ZNF880: variants seen among roughly 807,000 people sequenced by gnomAD.
ZNF880 encodes the protein zinc finger protein LOC400713.
In ZNF880, 12 loss-of-function variants were observed where a neutral mutation model predicts 11.8. The observed-to-expected ratio is 1.02, with a 90% confidence interval of 0.65 to 1.65. The LOEUF (loss-of-function observed/expected upper bound fraction) is 1.65. Ranked by LOEUF, ZNF880 falls within the 40% of genes most tolerant of loss-of-function variation. ZNF880 has a pLI of 0.00. For synonymous variants in ZNF880, 210 were observed against 232.4 expected (o/e 0.90, Z 0.88); for missense variants, 601 against 673.9 (o/e 0.89, Z 1.20).
the ZNF880 span, chr19:52,395,409 G>C: frequency 6.6e-6 from 1 of 152,152 alleles, no homozygotes; most frequent in Non-Finnish European, 1.5e-5. Flanking sequence ...CCATGATACT[G>C]CTTTCCATAC....
chr19:52,383,871 C>A lies in ZNF880; in HGVS notation c.291C>A (p.Ser97Arg). Residue 97 changes from serine to arginine, a missense_variant, in exon 4 of 4, where the codon AGC becomes AGA. Coordinates refer to ENST00000422689, the MANE Select transcript of ZNF880 (RefSeq NM_001145434.2). The part of the protein sequence containing the change: ...VNAESSSKLG[S>R]NAGNKSLKNQ... Reference sequence around the variant, plus strand: ...TAGAGAGCAGCTCTAAATTGGGAAGCAATGCCGGAAACAAGTCTCTTAAAA... The same window carrying A: ...TAGAGAGCAGCTCTAAATTGGGAAGAAATGCCGGAAACAAGTCTCTTAAAA... 2 of 1,543,314 alleles carry A rather than the reference C, an allele frequency of 1.3e-6. No individual in the cohort carries two copies. Among genetic ancestry groups the A allele is most frequent in the Non-Finnish European group, 1.7e-6 (2 of 1,146,824 alleles).
Position 52,384,263 on chromosome 19 carries a change from TACA to T in ZNF880, c.687_689del (p.Gln229del), listed in dbSNP as rs772513853. 4.3e-5 allele frequency: 69 copies of T among 1,613,332 alleles called. 1 individual carries two copies. In the African/African-American group the frequency reaches 6.5e-4, roughly 15 times the overall value. On this transcript the variant is annotated inframe_deletion, in exon 4 of 4. Coordinates refer to ENST00000422689, the MANE Select transcript of ZNF880 (RefSeq NM_001145434.2). Reference sequence around the variant, plus strand: ...GTCTTCAGTAACAGTTCAAACCTTGTACAACATCAAAGAATTCATACTGGAGAG... The same window carrying T: ...GTCTTCAGTAACAGTTCAAACCTTGTACATCAAAGAATTCATACTGGAGAG...
chr19:52,384,759 T>C lies in ZNF880; in HGVS notation c.1179T>C (p.Phe393=), dbSNP rs751047058. The change falls in exon 4 of 4, where the codon TTT becomes TTC. Residue 393 remains phenylalanine (F), a synonymous_variant. Transcript: ENST00000422689. ...KECGKVFRHK[F]CLTNHHRMHT... ...GTGGCAAGGTCTTCAGGCACAAGTT[T>C]TGTCTAACCAATCATCATAGAATGC... The C allele has an allele frequency of 2.7e-5, 28 of 1,021,018 alleles. No homozygotes were observed. The East Asian group carries it at 8.9e-4, about 33-fold the overall frequency. 63.2% of individuals were successfully genotyped at this position (1,021,018 alleles called of 1,614,324 possible). A position where few individuals can be genotyped will look rare whatever the true frequency, so the allele number is the denominator to read the frequency against.
intron 3 of ZNF880, among the ~76,000 whole-genome samples, chr19:52,377,990 T>G (rs886164371): frequency 6.6e-6 from 1 of 152,144 alleles, no homozygotes; most frequent in African/African-American, 2.4e-5. Flanking sequence ...CTTCATCACA[T>G]AGGTGTGATT....
upstream of ZNF880, among the ~76,000 whole-genome samples, chr19:52,368,096 C>T (rs1298798977): frequency 6.6e-6 from 1 of 151,404 alleles, no homozygotes; most frequent in Non-Finnish European, 1.5e-5. Context: ...ATCCCAGCTA[C>T]TTGGGAGGCT....
At chr19:52,381,599 A>G (rs1239915605) in intron 3 of ZNF880, among the ~76,000 whole-genome samples, 1 of 152,130 alleles carries the variant, frequency 6.6e-6, no homozygotes, top group Admixed American at 6.6e-5. Context: ...TATTAAAAAC[A>G]AAAGAATACA....
downstream of ZNF880, among the ~76,000 whole-genome samples, chr19:52,386,019 C>CA (rs1260593657): frequency 2.8e-5 from 4 of 141,804 alleles, 1 homozygote; most frequent in African/African-American, 1.1e-4. Context: ...ACTAAAAATA[C>CA]AAAAAATTAG....
At chr19:52,387,747 C>T (rs7252251), downstream of ZNF880, among the ~76,000 whole-genome samples, 48,204 of 141,668 alleles carry the variant, frequency 0.34, 12,386 homozygotes, top group South Asian at 0.5. Flanking sequence ...CTGTGCCTGG[C>T]GACAAATACT....
chr19:52,368,973 C>CA (rs3029482), upstream of ZNF880, among the ~76,000 whole-genome samples: 511 of 71,844 alleles, frequency 7.1e-3, 23 homozygotes, highest in African/African-American at 0.024. Flanking sequence ...GAGACCATCT[C>CA]AAAAAAAAAA....
rs1416687749 is a variant in ZNF880, at chr19:52,384,259, C to A, written c.679C>A (p.Leu227Ile). Residue 227 changes from leucine (L) to isoleucine (I), a missense_variant, in exon 4 of 4, where the codon CTT (leucine) becomes ATT (isoleucine). This residue lies in a region of ZNF880 where 420 missense variants were observed against 442.6 expected (regional missense o/e 0.95). Coordinates refer to ENST00000422689, the MANE Select transcript of ZNF880 (RefSeq NM_001145434.2). ...CDKVFSNSSN[L>I]VQHQRIHTGE... ...CAAGGTCTTCAGTAACAGTTCAAAC[C>A]TTGTACAACATCAAAGAATTCATAC... is the stretch of plus-strand genomic sequence containing the variant. 8 of 1,613,436 alleles carry A rather than the reference C, an allele frequency of 5.0e-6. No homozygotes were observed. Among genetic ancestry groups the A allele is most frequent in the East Asian group, 2.2e-5 (1 of 44,866 alleles).
At chr19:52,367,440 T>C (rs1305235159), upstream of ZNF880, 2 of 152,218 alleles carry the variant, frequency 1.3e-5, no homozygotes, top group Non-Finnish European at 2.9e-5. Flanking sequence ...TAAATTTTTC[T>C]TAGTGTGAAT....
chr19:52,384,234 CA>C lies in ZNF880; in HGVS notation c.656del (p.Lys219ArgfsTer126). The C allele has an allele frequency of 6.2e-7, 1 of 1,612,720 alleles. No individual in the cohort carries two copies. Among genetic ancestry groups the C allele is most frequent in the Non-Finnish European group, 8.5e-7 (1 of 1,179,156 alleles). Reference sequence around the variant, plus strand: ...ACCCTTACAAATGTAATGAATGTGACAAGGTCTTCAGTAACAGTTCAAACCT... The same window carrying C: ...ACCCTTACAAATGTAATGAATGTGACAGGTCTTCAGTAACAGTTCAAACCT... ...DNPYKCNECD[K>X]VFSNSSNLVQ... On this transcript the variant is annotated frameshift_variant, in exon 4 of 4. Transcript: ENST00000422689. LOFTEE classifies it low-confidence loss of function (END_TRUNC).
chr19:52,392,971 G>A, the ZNF880 span, among the ~76,000 whole-genome samples: 1 of 151,954 alleles, frequency 6.6e-6, no homozygotes, highest in East Asian at 1.9e-4. Flanking sequence ...ACAGGTGTGA[G>A]CCACTGCACC....
Position 52,385,632 on chromosome 19 carries a change from C to A in ZNF880, c.*318C>A. 1 of 217,432 alleles carries A rather than the reference C, an allele frequency of 4.6e-6. No homozygotes were observed. The highest frequency in any genetic ancestry group is 7.5e-5 in the South Asian group (1 of 13,248). The allele number at this position is 217,432 out of a possible 1,614,324, so 13.5% of individuals were successfully genotyped here. A position where few individuals can be genotyped will look rare whatever the true frequency, so the allele number is the denominator to read the frequency against. On this transcript the variant is annotated 3_prime_UTR_variant, in exon 4 of 4. Transcript: ENST00000422689. The stretch of plus-strand genomic sequence containing the variant: ...AGATTTACACAAGCGATAATTCAGT[C>A]TCTAGTTCTCCAATATTTATGATAC...
At chr19:52,374,505 C>A in intron 3 of ZNF880, 78 bp downstream of exon 3, 1 of 1,522,624 alleles carries the variant, frequency 6.6e-7, no homozygotes, top group Non-Finnish European at 8.9e-7. Context: ...GTCACCCAGG[C>A]TGTCGTAGAG....
rs1175222203 is a variant in ZNF880 at position 52,385,569 on chromosome 19, A to G, written c.*255A>G. Reference sequence around the variant, plus strand: ...CCATACAGATGGATTATGTATGCTGAGGCTATTATTCAAGGACCATTACTA... The same window carrying G: ...CCATACAGATGGATTATGTATGCTGGGGCTATTATTCAAGGACCATTACTA... On this transcript the variant is annotated 3_prime_UTR_variant, in exon 4 of 4. Coordinates refer to ENST00000422689, the MANE Select transcript of ZNF880 (RefSeq NM_001145434.2). 1.4e-5 allele frequency: 6 copies of G among 431,604 alleles called. No homozygotes were observed. Among genetic ancestry groups the G allele is most frequent in the East Asian group, 3.9e-5 (1 of 25,608 alleles). The allele number at this position is 431,604 out of a possible 1,614,324, so 26.7% of individuals were successfully genotyped here.
intron 1 of ZNF880, among the ~76,000 whole-genome samples, chr19:52,372,144 G>A (rs1322046955): frequency 6.6e-6 from 1 of 151,622 alleles, no homozygotes; most frequent in East Asian, 2.0e-4. Flanking sequence ...AGCCAAGATT[G>A]TGCCACTGCA....
At chr19:52,380,474 A>T (rs1265082770) in intron 3 of ZNF880, among the ~76,000 whole-genome samples, 1 of 151,340 alleles carries the variant, frequency 6.6e-6, no homozygotes, top group Non-Finnish European at 1.5e-5. Flanking sequence ...TTATTTCTTA[A>T]TTTTTCATTT....
chr19:52,388,308 G>T (rs1986950140), downstream of ZNF880, among the ~76,000 whole-genome samples: 3 of 15,898 alleles, frequency 1.9e-4, no homozygotes, highest in African/African-American at 1.1e-3. Flanking sequence ...TTTTTTTTTA[G>T]GCAGAGTCTC....
Sources: gnomAD v4.1 joint callset for allele counts (sites outside exome capture counted in the v4.1 genomes callset) on GRCh38, gnomAD v4.1.1 for gene constraint, gnomAD v4.1.1 regional missense constraint, MANE v1.5 for transcripts, NCBI Gene and HGNC (gene_info 2026-07-23, HGNC 2026-07-21) for gene names.